DLGAP1: variants seen among roughly 807,000 people sequenced by gnomAD.
DLGAP1 encodes disks large-associated protein 1.
In DLGAP1, 11 loss-of-function variants were observed where a neutral mutation model predicts 90.8. The ratio of observed to expected loss-of-function variants is 0.12; its 90% CI spans 0.08 to 0.20. DLGAP1 has a LOEUF of 0.20. Ranked by LOEUF, DLGAP1 falls within the 10% of genes least tolerant of loss-of-function variation. DLGAP1 has a pLI of 1.00. For synonymous variants in DLGAP1, 558 were observed against 540.7 expected (o/e 1.03, Z -0.44); for missense variants, 1,050 against 1,333.8 (o/e 0.79, Z 3.31).
intron 2 of DLGAP1, among the ~76,000 whole-genome samples, chr18:4,041,052 G>A (rs1384473180): frequency 6.6e-6 from 1 of 152,180 alleles, no homozygotes; most frequent in Non-Finnish European, 1.5e-5. Flanking sequence ...GCAGGGTGAA[G>A]CAATAGCAGC....
intron 4 of DLGAP1, among the ~76,000 whole-genome samples, chr18:3,836,521 C>G (rs1441713668): frequency 6.6e-6 from 1 of 152,122 alleles, no homozygotes; most frequent in African/African-American, 2.4e-5. Context: ...TGAATACTGT[C>G]ACACACGTCG....
intron 1 of DLGAP1, among the ~76,000 whole-genome samples, chr18:4,382,459 A>T (rs2082145342): frequency 6.6e-6 from 1 of 150,790 alleles, no homozygotes; most frequent in Admixed American, 6.7e-5. Context: ...GAAAAAAAAT[A>T]ACTGGGGCCA....
At chr18:3,736,380 C>T (rs77207417) in intron 6 of DLGAP1, among the ~76,000 whole-genome samples, 7,823 of 152,062 alleles carry the variant, frequency 0.051, 647 homozygotes, top group African/African-American at 0.18. Context: ...CATCCAAGCA[C>T]AATCTGTTTT....
chr18:4,119,857 A>G (rs2076125116), intron 2 of DLGAP1, among the ~76,000 whole-genome samples: 1 of 152,142 alleles, frequency 6.6e-6, no homozygotes, highest in South Asian at 2.1e-4. Context: ...GAAATGAGAC[A>G]TCATTTGGAT....
chr18:3,651,250 T>A (rs1260290212), intron 7 of DLGAP1, among the ~76,000 whole-genome samples: 1 of 151,980 alleles, frequency 6.6e-6, no homozygotes, highest in South Asian at 2.1e-4. Context: ...TCCCGGCTAC[T>A]TGGGAGGCTG....
intron 9 of DLGAP1, among the ~76,000 whole-genome samples, chr18:3,538,213 G>C (rs1568155419): frequency 6.6e-6 from 1 of 152,116 alleles, no homozygotes; most frequent in African/African-American, 2.4e-5. Context: ...ATCTGTGTCA[G>C]TTATTAAGAT....
chr18:3,562,275 C>G (rs1462241016), intron 9 of DLGAP1, among the ~76,000 whole-genome samples: 1 of 151,958 alleles, frequency 6.6e-6, no homozygotes, highest in Non-Finnish European at 1.5e-5. Context: ...CACAGTTACC[C>G]AAGTGGCTGT....
chr18:4,053,790 G>A (rs2075172437), intron 2 of DLGAP1, among the ~76,000 whole-genome samples: 1 of 152,138 alleles, frequency 6.6e-6, no homozygotes, highest in South Asian at 2.1e-4. Context: ...TTATACCAAT[G>A]TGAGAATGGA....
intron 7 of DLGAP1, among the ~76,000 whole-genome samples, chr18:3,592,288 C>T (rs1215221119): frequency 6.6e-6 from 1 of 152,202 alleles, no homozygotes; most frequent in Non-Finnish European, 1.5e-5. Context: ...AAGCAGACCC[C>T]ATAGTTGTGC....
chr18:4,006,699 G>A (rs2074308798), intron 2 of DLGAP1, among the ~76,000 whole-genome samples: 3 of 150,386 alleles, frequency 2.0e-5, no homozygotes, highest in African/African-American at 7.4e-5. Context: ...AGGCTGGAGT[G>A]CAGTGGCACG....
chr18:4,296,545 C>T (rs967772015), intron 1 of DLGAP1, among the ~76,000 whole-genome samples: 1 of 152,158 alleles, frequency 6.6e-6, no homozygotes, highest in Non-Finnish European at 1.5e-5. Context: ...CTCCTTCAAC[C>T]TTGAGTCATT....
rs12606959 is a variant in DLGAP1 at position 3,784,112 on chromosome 18, A to C, written c.1172+29947T>G. Among the ~76,000 whole-genome samples the C allele has an allele frequency of 2.6e-5, 4 of 152,286 alleles. No homozygotes were observed. The East Asian group carries it at 7.7e-4, about 29-fold the overall frequency. On this transcript the variant is annotated intron_variant, in intron 5 of 12. Transcript: ENST00000315677. ...GTCTACAATGGAAGTCATTGCACAG[A>C]CTAGAGTGTAAAGAAACAAATTGTG...
chr18:4,212,226 C>T (rs534134858), intron 1 of DLGAP1, among the ~76,000 whole-genome samples: 2 of 152,196 alleles, frequency 1.3e-5, no homozygotes, highest in South Asian at 4.1e-4. Context: ...CAAATGTCAT[C>T]AAACTCAATG....
At chr18:4,259,216 A>C (rs2078956555) in intron 1 of DLGAP1, among the ~76,000 whole-genome samples, 1 of 152,180 alleles carries the variant, frequency 6.6e-6, no homozygotes, top group Non-Finnish European at 1.5e-5. Flanking sequence ...GAGACAGCGG[A>C]GGTGAAAATG....
At chr18:3,998,780 A>G (rs1331773432) in intron 3 of DLGAP1, among the ~76,000 whole-genome samples, 1 of 152,154 alleles carries the variant, frequency 6.6e-6, no homozygotes, top group Non-Finnish European at 1.5e-5. Context: ...ACAGTCTCGA[A>G]TAAATAGAAG....
At chr18:4,043,969 T>C (rs2075013352) in intron 2 of DLGAP1, among the ~76,000 whole-genome samples, 1 of 152,204 alleles carries the variant, frequency 6.6e-6, no homozygotes, top group Non-Finnish European at 1.5e-5. Flanking sequence ...GACAGACCAA[T>C]GTCATAACTG....
chr18:3,715,445 C>A (rs1475342520), intron 7 of DLGAP1, among the ~76,000 whole-genome samples: 1 of 152,184 alleles, frequency 6.6e-6, no homozygotes, highest in Admixed American at 6.5e-5. Flanking sequence ...AAGCATTATC[C>A]TTTGTTTCAT....
chr18:3,969,900 C>G, intron 3 of DLGAP1, among the ~76,000 whole-genome samples: 1 of 152,170 alleles, frequency 6.6e-6, no homozygotes, highest in East Asian at 1.9e-4. Flanking sequence ...GGATTAAATA[C>G]TTCTGATAAA....
At chr18:3,826,394 A>G (rs1319346747) in intron 4 of DLGAP1, among the ~76,000 whole-genome samples, 1 of 152,074 alleles carries the variant, frequency 6.6e-6, no homozygotes, top group Non-Finnish European at 1.5e-5. Context: ...AAGGGGGAAG[A>G]CTGTGTGGAG....
Sources: gnomAD v4.1 joint callset for allele counts (sites outside exome capture counted in the v4.1 genomes callset) on GRCh38, gnomAD v4.1.1 for gene constraint, MANE v1.5 for transcripts, NCBI Gene and HGNC (gene_info 2026-07-23, HGNC 2026-07-21) for gene names.